Variants in RCBTB1 observed in about 807,000 individuals in gnomAD.
RCBTB1 encodes the protein RCC1 and BTB domain-containing protein 1.
Under a neutral mutation model 62.4 loss-of-function variants are expected in RCBTB1, and 46 were observed. That is an observed-to-expected ratio of 0.74 (90% CI 0.58 to 0.94). The LOEUF is 0.94. RCBTB1 is among the 40% of genes least tolerant of loss of function. RCBTB1 has a pLI of 0.00. For synonymous variants in RCBTB1, 222 were observed against 245.8 expected, an observed-to-expected ratio of 0.90 and a Z score of 0.91; for missense variants, 565 against 654.9, an observed-to-expected ratio of 0.86 and a Z score of 1.50.
At chr13:49,545,869 T>C (rs1421948735) in intron 9 of RCBTB1, among the ~76,000 whole-genome samples, 1 of 152,144 alleles carries the variant, frequency 6.6e-6, no homozygotes, top group African/African-American at 2.4e-5. Flanking sequence ...AGCTAAAACC[T>C]AGGCTGAAAC....
intron 12 of RCBTB1, among the ~76,000 whole-genome samples, chr13:49,534,538 T>G (rs1052703331): frequency 3.3e-5 from 5 of 152,142 alleles, no homozygotes; most frequent in African/African-American, 9.7e-5. Flanking sequence ...ACGCAAGATC[T>G]ACAAGGGAAA....
At chr13:49,568,813 C>T (rs1348656882) in intron 2 of RCBTB1, among the ~76,000 whole-genome samples, 1 of 152,086 alleles carries the variant, frequency 6.6e-6, no homozygotes, top group East Asian at 1.9e-4. Context: ...CCTGCAGTCC[C>T]AGCTACTCAG....
chr13:49,548,767 G>C (rs1961045818), intron 9 of RCBTB1, among the ~76,000 whole-genome samples: 1 of 151,682 alleles, frequency 6.6e-6, no homozygotes, highest in Admixed American at 6.6e-5. Context: ...GAAACAAAAA[G>C]CAAACTAGTG....
At chr13:49,558,883 A>G (rs888439501) in intron 5 of RCBTB1, among the ~76,000 whole-genome samples, 1 of 152,110 alleles carries the variant, frequency 6.6e-6, no homozygotes, top group Non-Finnish European at 1.5e-5. Flanking sequence ...GACTTAACCC[A>G]CCACCACTAT....
intron 4 of RCBTB1, among the ~76,000 whole-genome samples, chr13:49,561,083 T>C (rs942523457): frequency 7.9e-5 from 12 of 152,218 alleles, no homozygotes; most frequent in African/African-American, 2.7e-4. Flanking sequence ...GTTTCAGGCA[T>C]TTCTTTCCAC....
chr13:49,567,369 T>A, intron 2 of RCBTB1, 49 bp from the exon 3 acceptor site: 2 of 1,422,150 alleles, frequency 1.4e-6, no homozygotes, highest in Admixed American at 2.1e-5. Context: ...GTCACTGAGC[T>A]AACTTTCAAA....
At chr13:49,570,064 T>C (rs1053712225) in intron 2 of RCBTB1, among the ~76,000 whole-genome samples, 4 of 152,176 alleles carry the variant, frequency 2.6e-5, no homozygotes, top group African/African-American at 9.7e-5. Flanking sequence ...AGAAGCAGGT[T>C]TTCCTGGAAT....
At chr13:49,575,995 G>A (rs1963756656) in intron 2 of RCBTB1, among the ~76,000 whole-genome samples, 1 of 151,916 alleles carries the variant, frequency 6.6e-6, no homozygotes, top group African/African-American at 2.4e-5. Context: ...GACCATCCTG[G>A]CTAACACGGT....
intron 2 of RCBTB1, among the ~76,000 whole-genome samples, chr13:49,569,952 A>G (rs181577579): frequency 1.3e-5 from 2 of 152,262 alleles, no homozygotes; most frequent in East Asian, 3.9e-4. Flanking sequence ...ATGCCCCTCA[A>G]ACGACCTCTT....
Position 49,570,213 on chromosome 13 carries a change from C to T in RCBTB1, c.-41-2893G>A, listed in dbSNP as rs573955319. ...ACCACACAACTTCCTGACAGCAGCA[C>T]AATTATTCTAAAATCATTAAACAAA... On this transcript the variant is annotated intron_variant, in intron 2 of 12. Coordinates refer to ENST00000378302, the MANE Select transcript of RCBTB1 (RefSeq NM_018191.4). 2.0e-5 allele frequency among the ~76,000 whole-genome samples: 3 copies of T among 152,294 alleles called. No homozygotes were observed. In the East Asian group the frequency reaches 5.8e-4, roughly 29 times the overall value.
chr13:49,556,196 GTTTT>G (rs56970196), intron 5 of RCBTB1, among the ~76,000 whole-genome samples: 1 of 129,476 alleles, frequency 7.7e-6, no homozygotes, highest in Non-Finnish European at 1.6e-5. Flanking sequence ...TTTTGCTTTG[GTTTT>G]TTTTTTTTTT....
At chr13:49,566,819 A>G in intron 3 of RCBTB1, 51 bp from the exon 4 acceptor site, 1 of 1,521,996 alleles carries the variant, frequency 6.6e-7, no homozygotes, top group Admixed American at 1.9e-5. Flanking sequence ...AAGCTGTATT[A>G]AAAGCTCCCT....
At chr13:49,538,328 T>G (rs1037159355) in intron 12 of RCBTB1, among the ~76,000 whole-genome samples, 4 of 152,224 alleles carry the variant, frequency 2.6e-5, no homozygotes, top group Non-Finnish European at 5.9e-5. Flanking sequence ...ACTTCATTCA[T>G]GTACTCACTG....
chr13:49,540,122 G>A (rs17069321), intron 12 of RCBTB1, among the ~76,000 whole-genome samples: 4,033 of 152,162 alleles, frequency 0.027, 128 homozygotes, highest in East Asian at 0.15. Flanking sequence ...AACCATACCC[G>A]CCTTCAGCTC....
At chr13:49,560,195 T>C in intron 4 of RCBTB1, 111 bp from the exon 5 acceptor site, 1 of 1,146,988 alleles carries the variant, frequency 8.7e-7, no homozygotes, top group Non-Finnish European at 1.3e-6. Context: ...TCTCTCCCAT[T>C]GCCCCCTCCT....
At chr13:49,551,153 G>T in intron 8 of RCBTB1, 173 bp downstream of exon 8, 1 of 607,364 alleles carries the variant, frequency 1.6e-6, no homozygotes, top group Non-Finnish European at 2.7e-6. Context: ...GAAGGGGGAA[G>T]CAGGGAGGGA....
In RCBTB1 at chr13:49,549,473, G is replaced by T. The variant is rs750786096; in HGVS notation, c.1030C>A (p.Arg344Ser). 1 of 1,610,406 alleles carries T rather than the reference G, an allele frequency of 6.2e-7. No homozygotes were observed. Among genetic ancestry groups the T allele is most frequent in the South Asian group, 1.1e-5 (1 of 90,924 alleles). Residue 344 changes from arginine to serine, a missense_variant, in exon 9 of 13, where the codon CGC becomes AGC. By Grantham distance (110) the Arg-to-Ser change is moderately radical. Transcript: ENST00000378302. ...ACTTTCTTACCCACAGACAGGAGGCGCCACGAGACGGCGGGAGTGGCAAAG... is the reference window on the plus strand; with the variant it reads ...ACTTTCTTACCCACAGACAGGAGGCTCCACGAGACGGCGGGAGTGGCAAAG... ...ACFATPAVSW[R>S]LLSVEHEDFL...
chr13:49,575,593 A>G (rs1351059415), intron 2 of RCBTB1, among the ~76,000 whole-genome samples: 1 of 152,192 alleles, frequency 6.6e-6, no homozygotes, highest in Admixed American at 6.5e-5. Context: ...GAACAAAATC[A>G]TGGATGCAGC....
intron 4 of RCBTB1, among the ~76,000 whole-genome samples, chr13:49,560,690 T>G (rs1962367312): frequency 6.6e-6 from 1 of 152,020 alleles, no homozygotes; most frequent in African/African-American, 2.4e-5. Context: ...CAGGGGACAA[T>G]GAAGATGGCT....
Sources: allele counts gnomAD v4.1 joint callset (sites outside exome capture counted in the v4.1 genomes callset), GRCh38; gene constraint gnomAD v4.1.1; transcripts MANE v1.5; gene names NCBI Gene and HGNC (gene_info 2026-07-23, HGNC 2026-07-21).